RALY: variants seen among roughly 807,000 people sequenced by gnomAD.
RALY encodes RALY heterogeneous nuclear ribonucleoprotein, also known as RNA-binding protein Raly.
In RALY, 15 loss-of-function variants were observed where a neutral mutation model predicts 30.7. That is an observed-to-expected ratio of 0.49 (90% CI 0.33 to 0.75). The LOEUF (loss-of-function observed/expected upper bound fraction) is 0.75, where lower values mean the gene tolerates loss of function less well. RALY is among the 30% of genes least tolerant of loss of function. RALY has a pLI of 0.02. For missense variants in RALY, 339 were observed against 414.3 expected (o/e 0.82, Z 1.58); for synonymous variants, 177 against 170.8 (o/e 1.04, Z -0.28).
chr20:34,043,125 C>T (rs2032759752), intron 2 of RALY, among the ~76,000 whole-genome samples: 1 of 152,250 alleles, frequency 6.6e-6, no homozygotes, highest in Admixed American at 6.5e-5. Context: ...ATCTTGAGCT[C>T]ACTCTCCTTG....
chr20:34,026,867 G>C (rs544377986), intron 1 of RALY, among the ~76,000 whole-genome samples: 1 of 152,290 alleles, frequency 6.6e-6, no homozygotes, highest in East Asian at 1.9e-4. Flanking sequence ...CTGGGGCTGA[G>C]ACTCTGAATA....
At chr20:34,050,248 G>A (rs963035914) in intron 2 of RALY, among the ~76,000 whole-genome samples, 1 of 152,174 alleles carries the variant, frequency 6.6e-6, no homozygotes, top group African/African-American at 2.4e-5. Flanking sequence ...ACACCAAACA[G>A]GTGCTCTTAA....
intron 1 of RALY, among the ~76,000 whole-genome samples, chr20:34,031,155 C>T (rs1469720224): frequency 2.0e-5 from 3 of 151,534 alleles, no homozygotes; most frequent in Non-Finnish European, 4.4e-5. Flanking sequence ...AGCGATTCTC[C>T]TGCTTCAGCC....
Position 34,084,655 on chromosome 20 carries a change from C to G in RALY, c.*4750C>G, listed in dbSNP as rs2034075575. Reference sequence around the variant, plus strand: ...AGCTTCCACTTATTATCTCTTGGGACTCTAGCTCTTGGGACCCAACCACCA... The same window carrying G: ...AGCTTCCACTTATTATCTCTTGGGAGTCTAGCTCTTGGGACCCAACCACCA... On this transcript the variant is annotated 3_prime_UTR_variant, in exon 10 of 10. Coordinates refer to ENST00000246194, the MANE Select transcript of RALY (RefSeq NM_016732.3). 1 of 152,298 alleles carries G rather than the reference C, an allele frequency of 6.6e-6. No individual in the cohort carries two copies. Among genetic ancestry groups the G allele is most frequent in the Admixed American group, 6.5e-5 (1 of 15,284 alleles). 9.4% of individuals were successfully genotyped at this position (152,298 alleles called of 1,614,324 possible). A position where few individuals can be genotyped will look rare whatever the true frequency, so the allele number is the denominator to read the frequency against.
intron 2 of RALY, among the ~76,000 whole-genome samples, chr20:34,067,487 G>A (rs1053578408): frequency 3.3e-5 from 5 of 152,088 alleles, no homozygotes; most frequent in Admixed American, 2.0e-4. Context: ...TTACTGTGAC[G>A]GCTCTCTGGG....
chr20:34,035,169 A>ACAAAC, intron 2 of RALY, among the ~76,000 whole-genome samples: 1 of 119,992 alleles, frequency 8.3e-6, no homozygotes. Context: ...AAAAAAAAAA[A>ACAAAC]AAAAAAAAAA....
At chr20:34,060,718 T>C (rs2033390716) in intron 2 of RALY, among the ~76,000 whole-genome samples, 1 of 152,190 alleles carries the variant, frequency 6.6e-6, no homozygotes, top group African/African-American at 2.4e-5. Context: ...TCCTGCTTGA[T>C]GTCAAGCCAT....
intron 1 of RALY, among the ~76,000 whole-genome samples, chr20:33,997,379 G>T (rs2030690098): frequency 6.6e-6 from 1 of 152,182 alleles, no homozygotes; most frequent in African/African-American, 2.4e-5. Flanking sequence ...GCCTTCCAAA[G>T]TGCTGGGATT....
intron 1 of RALY, among the ~76,000 whole-genome samples, chr20:34,028,705 C>CAAAAAA (rs71338492): frequency 2.4e-4 from 5 of 20,448 alleles, no homozygotes; most frequent in Non-Finnish European, 5.6e-4. Flanking sequence ...GACTCCATCT[C>CAAAAAA]AAAAAAAAAA....
intron 2 of RALY, among the ~76,000 whole-genome samples, chr20:34,044,352 T>G (rs1211070010): frequency 6.6e-6 from 1 of 151,200 alleles, no homozygotes; most frequent in Non-Finnish European, 1.5e-5. Flanking sequence ...CGAGATGGGG[T>G]TTTTCTCTTA....
intron 1 of RALY, among the ~76,000 whole-genome samples, chr20:34,009,870 G>T (rs1050274825): frequency 6.6e-6 from 1 of 152,000 alleles, no homozygotes; most frequent in African/African-American, 2.4e-5. Context: ...GGAAACACTT[G>T]GTCAATTCAT....
At chr20:34,076,117 T>G in intron 6 of RALY, 77 bp downstream of exon 6, 1 of 1,494,474 alleles carries the variant, frequency 6.7e-7, no homozygotes, top group Non-Finnish European at 9.1e-7. Flanking sequence ...TTTTTTACAT[T>G]GGAACATAGA....
chr20:33,995,328 C>A (rs1230102791), intron 1 of RALY, among the ~76,000 whole-genome samples: 3 of 152,148 alleles, frequency 2.0e-5, no homozygotes, highest in Non-Finnish European at 4.4e-5. Context: ...CGGTGGGATC[C>A]ACCCTTTAGT....
chr20:34,034,428 C>T (rs931110193), intron 2 of RALY, among the ~76,000 whole-genome samples: 6 of 152,190 alleles, frequency 3.9e-5, no homozygotes, highest in Admixed American at 1.3e-4. Flanking sequence ...TAAAGTTCTA[C>T]AGCTTCTGGC....
rs537528823 is a variant in RALY, at chr20:34,052,094, G to GTGTGTCTTCCTCAAAT, written c.-9-19958_-9-19943dup. On this transcript the variant is annotated intron_variant, in intron 2 of 9. Coordinates refer to ENST00000246194, the MANE Select transcript of RALY (RefSeq NM_016732.3). Reference sequence around the variant, plus strand: ...ACAGGGACCCTAGAGATCTGTCCCAGTGTGTCTTCCTCAAATTGTGTCTTC... The same window carrying GTGTGTCTTCCTCAAAT: ...ACAGGGACCCTAGAGATCTGTCCCAGTGTGTCTTCCTCAAATTGTGTCTTCCTCAAATTGTGTCTTC... Among the ~76,000 whole-genome samples the GTGTGTCTTCCTCAAAT allele has an allele frequency of 3.4e-4, 52 of 152,330 alleles. No homozygotes were observed. In the South Asian group the frequency reaches 0.01, roughly 30 times the overall value.
chr20:33,995,729 C>T (rs893402113), intron 1 of RALY, among the ~76,000 whole-genome samples: 2 of 152,164 alleles, frequency 1.3e-5, no homozygotes, highest in African/African-American at 4.8e-5. Context: ...TTCATATCTG[C>T]CTTTCCCCGC....
chr20:34,071,212 G>GC (rs1481583737), intron 2 of RALY, among the ~76,000 whole-genome samples: 1 of 152,148 alleles, frequency 6.6e-6, no homozygotes, highest in Non-Finnish European at 1.5e-5. Flanking sequence ...ATCGGGCTTA[G>GC]CTAGCATACC....
intron 2 of RALY, among the ~76,000 whole-genome samples, chr20:34,068,294 T>C (rs899449007): frequency 6.6e-6 from 1 of 152,166 alleles, no homozygotes; most frequent in African/African-American, 2.4e-5. Context: ...TGAATGGATG[T>C]CAATATTTTC....
intron 2 of RALY, among the ~76,000 whole-genome samples, chr20:34,055,075 A>G (rs2033199937): frequency 6.6e-6 from 1 of 152,194 alleles, no homozygotes; most frequent in South Asian, 2.1e-4. Flanking sequence ...AAATGAGAAA[A>G]CCAGGCACAG....
Sources: gnomAD v4.1 joint callset for allele counts (sites outside exome capture counted in the v4.1 genomes callset) on GRCh38, gnomAD v4.1.1 for gene constraint, MANE v1.5 for transcripts, NCBI Gene and HGNC (gene_info 2026-07-23, HGNC 2026-07-21) for gene names.